ENGASE: variants seen among roughly 807,000 people sequenced by gnomAD.
ENGASE encodes the protein endo-beta-N-acetylglucosaminidase.
A neutral mutation model predicts 78.5 loss-of-function variants in ENGASE; 69 were observed. The observed-to-expected ratio is 0.88, with a 90% CI of 0.72 to 1.07. The LOEUF (loss-of-function observed/expected upper bound fraction) is 1.07. Ranked by LOEUF, ENGASE falls within the 50% of genes least tolerant of loss-of-function variation. ENGASE has a pLI of 0.00. For missense variants in ENGASE, 943 were observed against 988.4 expected (o/e 0.95, Z 0.62); for synonymous variants, 408 against 408.9 (o/e 1.00, Z 0.03).
At position 79,084,599 on chromosome 17, in the gene ENGASE, G is replaced by A; in HGVS notation, c.1504G>A (p.Glu502Lys). 6.2e-7 allele frequency: 1 copy of A among 1,611,244 alleles called. No homozygotes were observed. The highest frequency in any genetic ancestry group is 8.5e-7 in the Non-Finnish European group (1 of 1,179,080). Residue 502 changes from glutamate to lysine, a missense_variant, in exon 11 of 14, where the codon GAG becomes AAG. Glu to Lys is a moderately conservative substitution (Grantham distance 56, BLOSUM62 1). Coordinates refer to ENST00000579016, the MANE Select transcript of ENGASE (RefSeq NM_001042573.3). Reference sequence around the variant, plus strand: ...TTACCTGTCCATGGTGTATAAGCTTGAGGGGCCCACGGACGTCACAGTTGC... The same window carrying A: ...TTACCTGTCCATGGTGTATAAGCTTAAGGGGCCCACGGACGTCACAGTTGC... ...KIYLSMVYKL[E>K]GPTDVTVALE...
rs1321473205 is a variant in ENGASE at position 79,075,066 on chromosome 17, C to CGCG, written c.134_136dup (p.Arg45dup). The CGCG allele has an allele frequency of 8.3e-6, 10 of 1,203,332 alleles. No homozygotes were observed. The highest frequency in any genetic ancestry group is 6.3e-5 in the African/African-American group (4 of 63,288). The allele number at this position is 1,203,332 out of a possible 1,614,324, so 74.5% of individuals were successfully genotyped here. A position where few individuals can be genotyped will look rare whatever the true frequency, so the allele number is the denominator to read the frequency against. On this transcript the variant is annotated inframe_insertion, in exon 1 of 14. Coordinates refer to ENST00000579016, the MANE Select transcript of ENGASE (RefSeq NM_001042573.3). Reference sequence around the variant, plus strand: ...GAGCAGGAGGATCAGGAGCCGCGGCCGCGGCGGCGGCGGCCGGGAAGGAGG... The same window carrying CGCG: ...GAGCAGGAGGATCAGGAGCCGCGGCCGCGGCGGCGGCGGCGGCCGGGAAGGAGG...
Position 79,087,834 on chromosome 17 carries a change from T to C in ENGASE, c.*1485T>C, listed in dbSNP as rs1228120953. 2.0e-5 allele frequency: 3 copies of C among 152,180 alleles called. No individual in the cohort carries two copies. Among genetic ancestry groups the C allele is most frequent in the Non-Finnish European group, 4.4e-5 (3 of 68,064 alleles). The allele number at this position is 152,180 out of a possible 1,614,324, so 9.4% of individuals were successfully genotyped here. A position where few individuals can be genotyped will look rare whatever the true frequency, so the allele number is the denominator to read the frequency against. On this transcript the variant is annotated 3_prime_UTR_variant, in exon 14 of 14. Transcript: ENST00000579016. Reference sequence around the variant, plus strand: ...GCAAGGCTGGGTACTCAGCAGCCACTCTGAGCCGGGGCTCCTTCCAGGAGC... The same window carrying C: ...GCAAGGCTGGGTACTCAGCAGCCACCCTGAGCCGGGGCTCCTTCCAGGAGC...
chr17:79,082,747 G>C, intron 7 of ENGASE: 1 of 1,435,856 alleles, frequency 7.0e-7, no homozygotes, highest in Non-Finnish European at 9.2e-7. Flanking sequence ...GAGGACAATG[G>C]GACCGCGCAG....
At chr17:79,082,948 A>C in intron 7 of ENGASE, 72 bp from the exon 8 acceptor site, 2 of 1,586,594 alleles carry the variant, frequency 1.3e-6, no homozygotes, top group Non-Finnish European at 1.7e-6. Context: ...GCCCCAACCC[A>C]CGTCACTGGC....
rs777218263 is a variant in ENGASE at position 79,079,462 on chromosome 17, C to G, written c.417-27C>G. 1.9e-6 allele frequency: 3 copies of G among 1,605,302 alleles called. No homozygotes were observed. In the South Asian group the frequency reaches 3.3e-5, roughly 18 times the overall value. On this transcript the variant is annotated intron_variant, in intron 3 of 13. Coordinates refer to ENST00000579016, the MANE Select transcript of ENGASE (RefSeq NM_001042573.3). ...GGAATAAAGGCATGAGCTGCCGTGG[C>G]CAGCCCTGTTCTGTTTCTTTCCCCA...
At chr17:79,081,098 AG>A in intron 6 of ENGASE, 25 bp downstream of exon 6, 7 of 666,900 alleles carry the variant, frequency 1.0e-5, no homozygotes, top group Non-Finnish European at 1.3e-5. Flanking sequence ...AGGTGCTGTG[AG>A]GGGGCAGGTG....
rs376807981 is a variant in ENGASE at position 79,086,137 on chromosome 17, C to T, written c.2020C>T (p.Pro674Ser). The part of the protein sequence containing the change: ...HCWGGMSDDS[P>S]GRELPRPEMP... ...CTGGGGAGGGATGAGTGATGACTCT[C>T]CGGGCAGGGAGCTGCCGAGGCCAGA... is the stretch of plus-strand genomic sequence containing the variant. Residue 674 changes from proline (P) to serine (S), a missense_variant, in exon 14 of 14, where the codon CCG (proline) becomes TCG (serine). Transcript: ENST00000579016. The T allele has an allele frequency of 6.2e-7, 1 of 1,613,634 alleles. No individual in the cohort carries two copies. Among genetic ancestry groups the T allele is most frequent in the African/African-American group, 1.3e-5 (1 of 74,950 alleles).
At chr17:79,084,256 CAA>C (rs2146007630) in intron 10 of ENGASE, 1 of 509,282 alleles carries the variant, frequency 2.0e-6, no homozygotes, top group East Asian at 3.7e-5. Flanking sequence ...CCCAGCCCCC[CAA>C]AGCCACCCCT....
Position 79,083,676 on chromosome 17 carries a change from T to C in ENGASE, c.1252-85T>C. 6.6e-7 allele frequency: 1 copy of C among 1,525,962 alleles called. No homozygotes were observed. The highest frequency in any genetic ancestry group is 8.8e-7 in the Non-Finnish European group (1 of 1,136,886). 94.5% of individuals were successfully genotyped at this position (1,525,962 alleles called of 1,614,324 possible). A position where few individuals can be genotyped will look rare whatever the true frequency, so the allele number is the denominator to read the frequency against. ...GCCTGGGACTTGCCAGCAGGCACGG[T>C]GGTGGTCTTACCCTTCCCTGCCGCT... On this transcript the variant is annotated intron_variant, in intron 9 of 13. Coordinates refer to ENST00000579016, the MANE Select transcript of ENGASE (RefSeq NM_001042573.3). This position sits in a 1 kb window ranked among gnomAD's most constrained non-coding sequence, Gnocchi z 4.9.
chr17:79,077,901 G>T (rs1298986294), intron 3 of ENGASE, 37 bp downstream of exon 3: 14 of 1,176,994 alleles, frequency 1.2e-5, no homozygotes, highest in Non-Finnish European at 1.7e-5. Flanking sequence ...TGCTTACATT[G>T]TTCTCCTTTG....
chr17:79,084,500 T>A (rs769300668), intron 10 of ENGASE, 38 bp from the exon 11 acceptor site: 1 of 1,505,450 alleles, frequency 6.6e-7, no homozygotes, highest in South Asian at 1.4e-5. Flanking sequence ...TTCTCAGTGG[T>A]CTCTCCACGG....
intron 1 of ENGASE, among the ~76,000 whole-genome samples, chr17:79,076,511 C>T (rs2072971383): frequency 6.6e-6 from 1 of 152,214 alleles, no homozygotes; most frequent in African/African-American, 2.4e-5. Flanking sequence ...TTGCAGTGAG[C>T]TGAGATTTCA....
At position 79,083,948 on chromosome 17, in the gene ENGASE, T is replaced by G. The variant is rs199746731; in HGVS notation, c.1439T>G (p.Val480Gly). 1 of 1,609,156 alleles carries G rather than the reference T, an allele frequency of 6.2e-7. No individual in the cohort carries two copies. Residue 480 changes from valine to glycine, a missense_variant, in exon 10 of 14, where the codon GTG (valine) becomes GGG (glycine). Physicochemically the swap from Val to Gly is moderately radical, Grantham distance 109 (BLOSUM62 -3). Coordinates refer to ENST00000579016, the MANE Select transcript of ENGASE (RefSeq NM_001042573.3). This position sits in a 1 kb window ranked among gnomAD's most constrained non-coding sequence, Gnocchi z 4.9. ...VIPPEVGNVA[V>G]RLFSLQAPVP... ...CCACCGGAGGTTGGAAATGTGGCTGTGAGGTGGGTGAGTGACGGAGGACGG... is the reference window on the plus strand; with the variant it reads ...CCACCGGAGGTTGGAAATGTGGCTGGGAGGTGGGTGAGTGACGGAGGACGG...
intron 5 of ENGASE, among the ~76,000 whole-genome samples, 155 bp from the exon 6 acceptor site, chr17:79,080,770 A>G (rs1421463979): frequency 6.6e-6 from 1 of 152,042 alleles, no homozygotes; most frequent in African/African-American, 2.4e-5. Flanking sequence ...GCTGGACTCC[A>G]CTTGCGGGGC....
chr17:79,086,459 C>T lies in ENGASE; in HGVS notation c.*110C>T. On this transcript the variant is annotated 3_prime_UTR_variant, in exon 14 of 14. Coordinates refer to ENST00000579016, the MANE Select transcript of ENGASE (RefSeq NM_001042573.3). ...AAGTGCCCACAGTGGCAGCGAGGTC[C>T]CGGTCCCGGGGCTGGGGTGGGAGAC... 3 of 1,356,132 alleles carry T rather than the reference C, an allele frequency of 2.2e-6. No homozygotes were observed. Among genetic ancestry groups the T allele is most frequent in the Non-Finnish European group, 2.0e-6 (2 of 1,021,382 alleles). 84.0% of individuals were successfully genotyped at this position (1,356,132 alleles called of 1,614,324 possible).
intron 7 of ENGASE, 104 bp downstream of exon 7, chr17:79,082,167 G>A (rs1265725043): frequency 6.3e-7 from 1 of 1,598,238 alleles, no homozygotes; most frequent in Admixed American, 1.8e-5. Flanking sequence ...AGGAATGACA[G>A]CAGCTGTTCT....
chr17:79,083,546 T>A lies in ENGASE; in HGVS notation c.1207T>A (p.Ser403Thr), dbSNP rs2073205809. 7 of 1,614,176 alleles carry A rather than the reference T, an allele frequency of 4.3e-6. No homozygotes were observed. The highest frequency in any genetic ancestry group is 5.9e-6 in the Non-Finnish European group (7 of 1,180,026). The change falls in exon 9 of 14, where the codon TCC becomes ACC. Residue 403 changes from serine to threonine, a missense_variant. Physicochemically the swap from Ser to Thr is moderately conservative, Grantham distance 58. Coordinates refer to ENST00000579016, the MANE Select transcript of ENGASE (RefSeq NM_001042573.3). The surrounding 1 kb of genome is among the most constrained non-coding windows in gnomAD (Gnocchi z 4.9). ...CATCTGCTCCTTGCCTTTCGTCACG[T>A]CCTTCTGCCTGGGCATGGGTGCACG... The part of the protein sequence containing the change: ...HSICSLPFVT[S>T]FCLGMGARRV...
chr17:79,084,161 G>T (rs186103759), intron 10 of ENGASE: 2 of 572,000 alleles, frequency 3.5e-6, no homozygotes, highest in Admixed American at 7.1e-5. Flanking sequence ...TTAACTCTGC[G>T]TACGTTGCTA....
intron 1 of ENGASE, among the ~76,000 whole-genome samples, chr17:79,077,163 G>C (rs561462080): frequency 1.3e-5 from 2 of 152,202 alleles, no homozygotes; most frequent in East Asian, 3.8e-4. Context: ...GAACCACTGC[G>C]TCTGGCCTAG....
Sources: allele counts gnomAD v4.1 joint callset (sites outside exome capture counted in the v4.1 genomes callset), GRCh38; gene constraint gnomAD v4.1.1; non-coding constraint Gnocchi (gnomAD v3.1); transcripts MANE v1.5; gene names NCBI Gene and HGNC (gene_info 2026-07-23, HGNC 2026-07-21).